TRIM66: variants seen among roughly 807,000 people sequenced by gnomAD.
TRIM66 encodes the protein tripartite motif-containing protein 66.
TRIM66 carries 99 observed loss-of-function variants against 148.2 expected under a neutral mutation model. The observed-to-expected ratio is 0.67, with a 90% CI of 0.57 to 0.79. The LOEUF (loss-of-function observed/expected upper bound fraction) is 0.79. Among genes scored for constraint, TRIM66 ranks in the 30% least tolerant of loss-of-function variants. TRIM66 has a pLI of 0.00. For synonymous variants in TRIM66, 616 were observed against 635.9 expected (o/e 0.97, Z 0.47); for missense variants, 1,666 against 1,697.9 (o/e 0.98, Z 0.33).
At position 8,640,956 on chromosome 11, in the gene TRIM66, G is replaced by A. The variant is rs1249123328; in HGVS notation, c.1419C>T (p.Val473=). 3 of 1,551,196 alleles carry A rather than the reference G, an allele frequency of 1.9e-6. No homozygotes were observed. Among genetic ancestry groups the A allele is most frequent in the African/African-American group, 1.4e-5 (1 of 73,032 alleles). The part of the protein sequence containing the change: ...SSVCCSHCSP[V]SPSLKGQVPP... ...GGACCTGGCCTTTGAGGGAAGGCGAGACTGGGGAGCAGTGGGAGCAGCACA... is the reference window on the plus strand; with the variant it reads ...GGACCTGGCCTTTGAGGGAAGGCGAAACTGGGGAGCAGTGGGAGCAGCACA... The change falls in exon 14 of 25, where the codon GTC becomes GTT. Residue 473 remains valine (V), a synonymous_variant. Transcript: ENST00000646038.
Position 8,634,022 on chromosome 11 carries a change from T to C in TRIM66, c.2310+4632A>G, listed in dbSNP as rs67365081. On this transcript the variant is annotated intron_variant, in intron 15 of 24. Transcript: ENST00000646038. ...TTACTGGAAATACATCTCAGGCTCC[T>C]AAGCCATGAGCCGCATGCTGGTGGC... Among the ~76,000 whole-genome samples, 1,513 of 152,304 alleles carry C rather than the reference T, an allele frequency of 9.9e-3. 10 individuals are homozygous for C. Among genetic ancestry groups the C allele is most frequent in the Non-Finnish European group, 0.015 (1,029 of 68,030 alleles).
chr11:8,656,658 T>C (rs918572607), intron 6 of TRIM66, among the ~76,000 whole-genome samples: 1 of 152,216 alleles, frequency 6.6e-6, no homozygotes, highest in South Asian at 2.1e-4. Context: ...ACTTTACATG[T>C]GTAAAAAATT....
At chr11:8,639,996 C>T (rs1304517724) in intron 14 of TRIM66, among the ~76,000 whole-genome samples, 1 of 152,146 alleles carries the variant, frequency 6.6e-6, no homozygotes. Context: ...CCAAGCTACT[C>T]CGGAGTATAC....
At chr11:8,632,400 C>T (rs2035487059) in intron 15 of TRIM66, among the ~76,000 whole-genome samples, 1 of 150,628 alleles carries the variant, frequency 6.6e-6, no homozygotes, top group Admixed American at 6.6e-5. Flanking sequence ...GAAACAGAAT[C>T]AGATGGCTGA....
chr11:8,666,334 C>T (rs549403604), intron 6 of TRIM66, among the ~76,000 whole-genome samples: 15 of 124,776 alleles, frequency 1.2e-4, no homozygotes, highest in African/African-American at 4.5e-4. Context: ...AGCAAAACTC[C>T]GCCTCAGAAA....
In TRIM66 at chr11:8,643,184, C is replaced by T. The variant is rs868060657; in HGVS notation, c.1105-58G>A. On this transcript the variant is annotated intron_variant, in intron 12 of 24. Transcript: ENST00000646038. ...CATCTTGCACCTAAATGACAACTCC[C>T]CTTCCCTTACTCTTTGGACAAGCTG... 18 of 1,410,850 alleles carry T rather than the reference C, an allele frequency of 1.3e-5. 2 individuals carry two copies. The Middle Eastern group carries it at 1.6e-3, about 125-fold the overall frequency. 87.4% of individuals were successfully genotyped at this position (1,410,850 alleles called of 1,614,324 possible).
chr11:8,681,433 A>G (rs1259778541), intron 1 of TRIM66, among the ~76,000 whole-genome samples: 1 of 152,114 alleles, frequency 6.6e-6, no homozygotes, highest in Non-Finnish European at 1.5e-5. Flanking sequence ...ACGCCCGGCC[A>G]GAATTTTGGA....
intron 17 of TRIM66, among the ~76,000 whole-genome samples, chr11:8,623,748 C>A (rs777275482): frequency 6.6e-6 from 1 of 152,112 alleles, no homozygotes; most frequent in East Asian, 1.9e-4. Context: ...AGCTGAGAAG[C>A]GAATCAGAAC....
At position 8,618,796 on chromosome 11, in the gene TRIM66, G is replaced by GA. The variant is rs2033920466; in HGVS notation, c.4072_4073insT (p.Pro1358LeufsTer19). On this transcript the variant is annotated frameshift_variant, in exon 24 of 25. Coordinates refer to ENST00000646038, the MANE Select transcript of TRIM66 (RefSeq NM_001388022.1). LOFTEE classifies it high-confidence loss of function. ...GGGTTGGATGCCCTCCTGCATGTAG[G>GA]GAGGCCACGGGAAGCCCTGGGGAGT... 6.4e-7 allele frequency: 1 copy of GA among 1,551,174 alleles called. No individual in the cohort carries two copies. The highest frequency in any genetic ancestry group is 8.7e-7 in the Non-Finnish European group (1 of 1,146,942).
chr11:8,682,913 G>T (rs567225812), upstream of TRIM66: 17 of 1,457,216 alleles, frequency 1.2e-5, no homozygotes, highest in Non-Finnish European at 1.6e-5. Context: ...CCATGGTCGG[G>T]GCTTCCAGGC....
At chr11:8,678,475 T>A (rs1443009185) in intron 3 of TRIM66, among the ~76,000 whole-genome samples, 1 of 152,198 alleles carries the variant, frequency 6.6e-6, no homozygotes, top group Non-Finnish European at 1.5e-5. Flanking sequence ...GGTTGAAAGG[T>A]AATACTCAGA....
chr11:8,649,950 G>A, intron 7 of TRIM66, 63 bp from the exon 8 acceptor site: 3 of 1,514,986 alleles, frequency 2.0e-6, no homozygotes, highest in Non-Finnish European at 2.7e-6. Flanking sequence ...TCCACAAGTG[G>A]TAAATGCTCT....
In TRIM66 at chr11:8,672,358, C is replaced by T; in HGVS notation, c.-84G>A. ...CCTTCAAAAGTGTCCCGTACCTGTG[C>T]CTCTCCTTATTGGTAGACAAGCTTG... On this transcript the variant is annotated 5_prime_UTR_variant, in exon 5 of 25. Coordinates refer to ENST00000646038, the MANE Select transcript of TRIM66 (RefSeq NM_001388022.1). 2 of 1,526,350 alleles carry T rather than the reference C, an allele frequency of 1.3e-6. No individual in the cohort carries two copies. Among genetic ancestry groups the T allele is most frequent in the Non-Finnish European group, 1.7e-6 (2 of 1,143,668 alleles). 94.6% of individuals were successfully genotyped at this position (1,526,350 alleles called of 1,614,324 possible).
At position 8,620,537 on chromosome 11, in the gene TRIM66, G is replaced by C; in HGVS notation, c.3581C>G (p.Thr1194Ser). The change falls in exon 21 of 25, where the codon ACC (threonine) becomes AGC (serine). Residue 1194 changes from threonine to serine, a missense_variant. Physicochemically the swap from Thr to Ser is moderately conservative, Grantham distance 58. Around this residue, in one of 3 missense-constraint regions of TRIM66, gnomAD observed 31 missense variants for 54.4 expected, o/e 0.57. Transcript: ENST00000646038. ...ACAGTCGTACTCCATCTCGGGCTGG[G>C]TCAGGCTGCGGCACAAGGTACACAC... ...EWVCTLCRSL[T>S]QPEMEYDCEN... 1 of 1,551,788 alleles carries C rather than the reference G, an allele frequency of 6.4e-7. No individual in the cohort carries two copies. Among genetic ancestry groups the C allele is most frequent in the Non-Finnish European group, 8.7e-7 (1 of 1,147,028 alleles).
At chr11:8,677,480 G>A (rs902250863) in intron 3 of TRIM66, among the ~76,000 whole-genome samples, 1 of 152,152 alleles carries the variant, frequency 6.6e-6, no homozygotes, top group Non-Finnish European at 1.5e-5. Flanking sequence ...AATTCAGTGA[G>A]TAAAAACAGA....
At chr11:8,651,385 G>T (rs1003057194) in intron 7 of TRIM66, among the ~76,000 whole-genome samples, 17 of 151,958 alleles carry the variant, frequency 1.1e-4, no homozygotes, top group Non-Finnish European at 1.9e-4. Context: ...TTAAATACAG[G>T]CAAGGTTAAT....
At chr11:8,673,867 G>C (rs573233536) in intron 4 of TRIM66, among the ~76,000 whole-genome samples, 1 of 152,212 alleles carries the variant, frequency 6.6e-6, no homozygotes, top group Non-Finnish European at 1.5e-5. Context: ...ATGCAAGTTT[G>C]AGAAAAATTT....
intron 10 of TRIM66, 83 bp downstream of exon 10, chr11:8,647,887 T>C: frequency 1.9e-6 from 2 of 1,052,222 alleles, no homozygotes; most frequent in Non-Finnish European, 2.9e-6. Context: ...TCACAGGCAC[T>C]ACATCTGACG....
Position 8,672,240 on chromosome 11 carries a change from T to C in TRIM66, c.27+8A>G. On this transcript the variant is annotated splice_region_variant and intron_variant, in intron 5 of 24. Transcript: ENST00000646038. ...CTGGAGGCTCATGCCTCAGCCTCAG[T>C]TCCTCACCTGGGACCAAAAAGAGAG... 2.0e-6 allele frequency: 3 copies of C among 1,536,128 alleles called. No homozygotes were observed. Among genetic ancestry groups the C allele is most frequent in the Non-Finnish European group, 2.6e-6 (3 of 1,146,906 alleles).
Sources: allele counts gnomAD v4.1 joint callset (sites outside exome capture counted in the v4.1 genomes callset), GRCh38; gene constraint gnomAD v4.1.1; regional missense constraint gnomAD v4.1.1; transcripts MANE v1.5; gene names NCBI Gene and HGNC (gene_info 2026-07-23, HGNC 2026-07-21).